DGKI: variants seen among roughly 807,000 people sequenced by gnomAD.
DGKI encodes DAG kinase iota.
Under a neutral mutation model 147.5 loss-of-function variants are expected in DGKI, and 55 were observed. The observed-to-expected ratio is 0.37, with a 90% confidence interval of 0.30 to 0.47. The LOEUF (loss-of-function observed/expected upper bound fraction) is 0.47. DGKI is among the 20% of genes least tolerant of loss of function. The pLI is 1.00. For synonymous variants in DGKI, 469 were observed against 477.1 expected (o/e 0.98, Z 0.22); for missense variants, 1,007 against 1,323.8 (o/e 0.76, Z 3.71).
At chr7:137,748,709 T>G (rs1795415794) in intron 1 of DGKI, among the ~76,000 whole-genome samples, 1 of 152,204 alleles carries the variant, frequency 6.6e-6, no homozygotes, top group African/African-American at 2.4e-5. Flanking sequence ...CTTCATATAC[T>G]ATCAGAAATC....
chr7:137,724,471 G>A (rs932002896), intron 1 of DGKI, among the ~76,000 whole-genome samples: 2 of 152,204 alleles, frequency 1.3e-5, no homozygotes, highest in Admixed American at 1.3e-4. Context: ...AGAAAGTGAT[G>A]GCTTGGATTG....
intron 23 of DGKI, among the ~76,000 whole-genome samples, chr7:137,480,361 G>A (rs554536426): frequency 1.3e-5 from 2 of 152,226 alleles, no homozygotes; most frequent in South Asian, 4.1e-4. Flanking sequence ...CTAGACTCCA[G>A]AAAACAAATG....
At chr7:137,815,315 T>C (rs1797706628) in intron 1 of DGKI, among the ~76,000 whole-genome samples, 1 of 152,176 alleles carries the variant, frequency 6.6e-6, no homozygotes, top group South Asian at 2.1e-4. Flanking sequence ...GAAAATCATC[T>C]TATTTGAGTT....
chr7:137,487,246 A>G (rs1046677100), intron 22 of DGKI, among the ~76,000 whole-genome samples: 2 of 152,178 alleles, frequency 1.3e-5, no homozygotes, highest in African/African-American at 4.8e-5. Flanking sequence ...CTCTGACATA[A>G]GTGTCAGACA....
At chr7:137,475,560 C>T (rs182239508) in intron 23 of DGKI, among the ~76,000 whole-genome samples, 1 of 152,286 alleles carries the variant, frequency 6.6e-6, no homozygotes, top group East Asian at 1.9e-4. Context: ...CAAAACTATA[C>T]ATTATTCTTT....
At chr7:137,691,811 T>TGTTTTTTGTTTTTTTG (rs1563152851) in intron 1 of DGKI, among the ~76,000 whole-genome samples, 1 of 145,830 alleles carries the variant, frequency 6.9e-6, no homozygotes, top group African/African-American at 2.5e-5. Flanking sequence ...TTTTTTTTTT[T>TGTTTTTTGTTTTTTTG]TTTTTTTTTT....
chr7:137,484,200 T>C (rs1239038326), intron 23 of DGKI, among the ~76,000 whole-genome samples: 1 of 152,040 alleles, frequency 6.6e-6, no homozygotes. Flanking sequence ...AGGCTGAAGA[T>C]ATGCTGCTTC....
intron 3 of DGKI, among the ~76,000 whole-genome samples, chr7:137,672,917 G>A (rs572812382): frequency 5.9e-5 from 9 of 151,848 alleles, no homozygotes; most frequent in Admixed American, 1.3e-4. Context: ...TAATGCCGCC[G>A]GGATTGCAGG....
At chr7:137,458,719 A>T (rs34061919) in intron 27 of DGKI, among the ~76,000 whole-genome samples, 1 of 152,120 alleles carries the variant, frequency 6.6e-6, no homozygotes, top group Non-Finnish European at 1.5e-5. Flanking sequence ...CTTACAACTC[A>T]AATAGATTTG....
At chr7:137,485,257 A>T (rs959163551) in intron 23 of DGKI, 117 bp downstream of exon 23, 33 of 814,138 alleles carry the variant, frequency 4.1e-5, no homozygotes, top group Admixed American at 1.1e-4. Flanking sequence ...CTAGATTCTT[A>T]GAATGAACTC....
At chr7:137,605,322 A>AAATAAAAT (rs1331405388) in intron 10 of DGKI, among the ~76,000 whole-genome samples, 1 of 105,658 alleles carries the variant, frequency 9.5e-6, no homozygotes, top group African/African-American at 4.4e-5. Context: ...ATATAAAATA[A>AAATAAAAT]AATAAAATAA....
At chr7:137,727,019 G>T (rs918221708) in intron 1 of DGKI, among the ~76,000 whole-genome samples, 2 of 151,980 alleles carry the variant, frequency 1.3e-5, no homozygotes, top group Non-Finnish European at 2.9e-5. Flanking sequence ...TATATTGTAT[G>T]TTAAGGATGC....
rs553163969 is a variant in DGKI at position 137,756,486 on chromosome 7, G to A, written c.402-66484C>T. ...TAATGATTTATTAAAATCTTACAATGTGAGAAAGTAAGATCGGCAAACAAA... is the reference window on the plus strand; with the variant it reads ...TAATGATTTATTAAAATCTTACAATATGAGAAAGTAAGATCGGCAAACAAA... On this transcript the variant is annotated intron_variant, in intron 1 of 32. Coordinates refer to ENST00000614521, the MANE Select transcript of DGKI (RefSeq NM_001321708.2). Among the ~76,000 whole-genome samples the A allele has an allele frequency of 1.4e-4, 22 of 152,316 alleles. No individual in the cohort carries two copies. In the South Asian group the frequency reaches 4.6e-3, roughly 32 times the overall value.
intron 28 of DGKI, among the ~76,000 whole-genome samples, chr7:137,439,352 A>G (rs558399465): frequency 6.6e-6 from 1 of 152,318 alleles, no homozygotes; most frequent in South Asian, 2.1e-4. Flanking sequence ...TTATAAAGGA[A>G]AGAGGTTTAA....
At chr7:137,822,047 TTGA>T (rs1196838982) in intron 1 of DGKI, among the ~76,000 whole-genome samples, 5 of 152,188 alleles carry the variant, frequency 3.3e-5, no homozygotes, top group African/African-American at 1.2e-4. Context: ...GCAGCTGGGT[TTGA>T]GTGTGAGACC....
At chr7:137,478,486 G>A (rs903744263) in intron 23 of DGKI, among the ~76,000 whole-genome samples, 2 of 152,168 alleles carry the variant, frequency 1.3e-5, no homozygotes, top group African/African-American at 4.8e-5. Context: ...TTAATAGACA[G>A]GTATTACTGA....
At chr7:137,696,199 A>C (rs1304157535) in intron 1 of DGKI, among the ~76,000 whole-genome samples, 1 of 152,168 alleles carries the variant, frequency 6.6e-6, no homozygotes, top group East Asian at 1.9e-4. Flanking sequence ...AGGCAGTTCA[A>C]AGGGGTTATT....
At chr7:137,668,052 G>A (rs1456193240) in intron 3 of DGKI, among the ~76,000 whole-genome samples, 1 of 152,200 alleles carries the variant, frequency 6.6e-6, no homozygotes, top group Non-Finnish European at 1.5e-5. Flanking sequence ...CTAGCTAAGA[G>A]TGGAAGTCTT....
intron 1 of DGKI, among the ~76,000 whole-genome samples, chr7:137,838,896 T>C (rs1798468148): frequency 6.6e-6 from 1 of 152,226 alleles, no homozygotes; most frequent in African/African-American, 2.4e-5. Flanking sequence ...TTTCTGTGAT[T>C]GCCAGGGCAT....
Sources: gnomAD v4.1 joint callset for allele counts (sites outside exome capture counted in the v4.1 genomes callset) on GRCh38, gnomAD v4.1.1 for gene constraint, MANE v1.5 for transcripts, NCBI Gene and HGNC (gene_info 2026-07-23, HGNC 2026-07-21) for gene names.